The following OR2T10 variants were observed in gnomAD, a reference collection of about 807,000 sequenced individuals.
OR2T10 encodes olfactory receptor family 2 subfamily T member 10.
For synonymous variants in OR2T10, 125 were observed against 141.8 expected (o/e 0.88, Z 0.84); for missense variants, 335 against 382.5 (o/e 0.88, Z 1.04).
At position 248,593,421 on chromosome 1, in the gene OR2T10, G is replaced by A. The variant is rs371138760; in HGVS notation, c.348C>T (p.Ala116=). The A allele has an allele frequency of 8.9e-6, 14 of 1,571,592 alleles. 3 individuals carry two copies. The African/African-American group carries it at 1.1e-4, about 12-fold the overall frequency. The change falls in exon 2 of 2, where the codon GCC becomes GCT. Residue 116 remains alanine (A), a synonymous_variant. Coordinates refer to ENST00000642090, the MANE Select transcript of OR2T10 (RefSeq NM_001004693.2). ...CCACATAGCGGTCATAGGCCATGGC[G>A]GCTAGAAGGCAGCACTCTGCACCTC... ...QLGGAECCLL[A]AMAYDRYVAI...
Position 248,592,902 on chromosome 1 carries a change from A to G in OR2T10, c.867T>C (p.Ile289=). 1.9e-6 allele frequency: 3 copies of G among 1,568,792 alleles called. 1 individual carries two copies. Among genetic ancestry groups the G allele is most frequent in the Non-Finnish European group, 2.6e-6 (3 of 1,153,200 alleles). ...TGACATCCTTATTCCTGAAACTGTA[A>G]ATGATAGGATTCAAGACAGGTGTAA... ...TILTPVLNPI[I]YSFRNKDVTR... is the part of the protein sequence containing the mutation. Residue 289 remains isoleucine, a synonymous_variant, in exon 2 of 2, where the codon ATT becomes ATC. Coordinates refer to ENST00000642090, the MANE Select transcript of OR2T10 (RefSeq NM_001004693.2).
At position 248,593,690 on chromosome 1, in the gene OR2T10, G is replaced by T. The variant is rs779593083; in HGVS notation, c.79C>A (p.Leu27Ile). ...AATATACTGAAGATAAGCAAGCAGAGGCGGCCAGGGTGTGAGATCTGGCTG... is the reference window on the plus strand; with the variant it reads ...AATATACTGAAGATAAGCAAGCAGATGCGGCCAGGGTGTGAGATCTGGCTG... Reference protein sequence around the residue: ...IFSQISHPGRLCLLIFSIFLM... With the variant: ...IFSQISHPGRICLLIFSIFLM... Residue 27 changes from leucine (L) to isoleucine (I), a missense_variant, in exon 2 of 2, where the codon CTC (leucine) becomes ATC (isoleucine). Leu to Ile is a conservative substitution (Grantham distance 5, BLOSUM62 2). Transcript: ENST00000642090. 7.7e-6 allele frequency: 12 copies of T among 1,563,650 alleles called. 2 individuals carry two copies. In the South Asian group the frequency reaches 1.2e-4, roughly 16 times the overall value.
At chr1:248,596,531 G>C (rs73134428) in intron 1 of OR2T10, among the ~76,000 whole-genome samples, 6,227 of 142,746 alleles carry the variant, frequency 0.044, 1,507 homozygotes, top group African/African-American at 0.16. Flanking sequence ...GAAACAAGGG[G>C]ACTGAGTCCA....
intron 1 of OR2T10, among the ~76,000 whole-genome samples, chr1:248,597,149 G>A (rs112775692): frequency 1.4e-5 from 2 of 143,122 alleles, no homozygotes; most frequent in East Asian, 2.0e-4. Flanking sequence ...TCCGAGGTAC[G>A]TTGCAAGTCA....
At position 248,593,008 on chromosome 1, in the gene OR2T10, G is replaced by A. The variant is rs1375160354; in HGVS notation, c.761C>T (p.Ala254Val). ...GGGGAGCATGTAGTTGTAAATAGCA[G>A]CTCCATAGAAGAGGCTGACCACTGT... ...HITVVSLFYG[A>V]AIYNYMLPSS... is the part of the protein sequence containing the mutation. Residue 254 changes from alanine (A) to valine (V), a missense_variant, in exon 2 of 2, where the codon GCT becomes GTT. By Grantham distance (64) the Ala-to-Val change is moderately conservative. Coordinates refer to ENST00000642090, the MANE Select transcript of OR2T10 (RefSeq NM_001004693.2). 6.4e-7 allele frequency: 1 copy of A among 1,572,768 alleles called. No homozygotes were observed. Among genetic ancestry groups the A allele is most frequent in the Non-Finnish European group, 8.6e-7 (1 of 1,156,670 alleles).
In OR2T10 at chr1:248,593,494, A is replaced by G; in HGVS notation, c.275T>C (p.Ile92Thr). Residue 92 changes from isoleucine to threonine, a missense_variant, in exon 2 of 2, where the codon ATC (isoleucine) becomes ACC (threonine). Physicochemically the swap from Ile to Thr is moderately conservative, Grantham distance 89. Transcript: ENST00000642090. ...LVNQLAKDKT[I>T]SVLGCGTQMY... The stretch of plus-strand genomic sequence containing the variant: ...CTGGGTGCCACACCCAAGGACCGAG[A>G]TGGTCTTGTCTTTGGCCAGCTGGTT... The G allele has an allele frequency of 1.3e-6, 2 of 1,572,654 alleles. No individual in the cohort carries two copies. The highest frequency in any genetic ancestry group is 1.1e-5 in the South Asian group (1 of 88,876).
intron 1 of OR2T10, among the ~76,000 whole-genome samples, chr1:248,595,883 T>C (rs974682052): frequency 2.8e-5 from 4 of 142,976 alleles, no homozygotes; most frequent in South Asian, 2.2e-4. Flanking sequence ...TGAAACAGCA[T>C]AGAGGCCCTG....
rs1660040907 is a variant in OR2T10, at chr1:248,593,222, C to T, written c.547G>A (p.Ala183Thr). 1 of 1,573,420 alleles carries T rather than the reference C, an allele frequency of 6.4e-7. No individual in the cohort carries two copies. The highest frequency in any genetic ancestry group is 1.5e-5 in the African/African-American group (1 of 66,816). The change falls in exon 2 of 2, where the codon GCT (alanine) becomes ACT (threonine). Residue 183 changes from alanine to threonine, a missense_variant. Coordinates refer to ENST00000642090, the MANE Select transcript of OR2T10 (RefSeq NM_001004693.2). ...TCTGAGCAAGAGAGCTTCAAAACAG[C>T]AGGGACCTCACAGAAGAAGTGCTGA... ...EIQHFFCEVP[A>T]VLKLSCSDTS...
In OR2T10 at chr1:248,594,141, TCC is replaced by T. The variant is rs1218843102; in HGVS notation, c.-28-347_-28-346del. The stretch of plus-strand genomic sequence containing the variant: ...TGTTCCTGTATTGCCCAAATCCCAT[TCC>T]CATGGGATTTTACAGAGCTAATAAC... On this transcript the variant is annotated intron_variant, in intron 1 of 1. Coordinates refer to ENST00000642090, the MANE Select transcript of OR2T10 (RefSeq NM_001004693.2). Among the ~76,000 whole-genome samples the T allele has an allele frequency of 7.0e-5, 10 of 142,886 alleles. 1 individual carries two copies. The highest frequency in any genetic ancestry group is 1.4e-4 in the Non-Finnish European group (9 of 66,166). 93.7% of individuals were successfully genotyped at this position (142,886 alleles called of 152,430 possible).
At chr1:248,596,050 G>A (rs1421364500) in intron 1 of OR2T10, among the ~76,000 whole-genome samples, 3 of 143,482 alleles carry the variant, frequency 2.1e-5, no homozygotes, top group Admixed American at 6.8e-5. Flanking sequence ...GACCAAAGGC[G>A]AAACCTGAGA....
rs1446309732 is a variant in OR2T10, at chr1:248,593,529, T to G, written c.240A>C (p.Lys80Asn). 2 of 1,570,936 alleles carry G rather than the reference T, an allele frequency of 1.3e-6. 1 individual carries two copies. Reference protein sequence around the residue: ...DLTYISVTVPKMLVNQLAKDK... With the variant: ...DLTYISVTVPNMLVNQLAKDK... ...CTTTGGCCAGCTGGTTCACCAGCAT[T>G]TTGGGGACAGTGACAGAAATATATG... is the stretch of plus-strand genomic sequence containing the variant. Residue 80 changes from lysine (K) to asparagine (N), a missense_variant, in exon 2 of 2, where the codon AAA (lysine) becomes AAC (asparagine). Coordinates refer to ENST00000642090, the MANE Select transcript of OR2T10 (RefSeq NM_001004693.2).
rs1296495305 is a variant in OR2T10, at chr1:248,591,030, A to C, written c.*1800T>G. 7.0e-6 allele frequency: 1 copy of C among 143,300 alleles called. No individual in the cohort carries two copies. The highest frequency in any genetic ancestry group is 2.7e-5 in the African/African-American group (1 of 36,414). 8.9% of individuals were successfully genotyped at this position (143,300 alleles called of 1,614,324 possible). A position where few individuals can be genotyped will look rare whatever the true frequency, so the allele number is the denominator to read the frequency against. On this transcript the variant is annotated 3_prime_UTR_variant, in exon 2 of 2. Coordinates refer to ENST00000642090, the MANE Select transcript of OR2T10 (RefSeq NM_001004693.2). ...TTTTATCCACTTTTGTTTGTTGGAA[A>C]AATTTATTTTACTATCATTTTTTAT... is the stretch of plus-strand genomic sequence containing the variant.
intron 1 of OR2T10, among the ~76,000 whole-genome samples, chr1:248,594,531 A>C (rs1393740663): frequency 7.0e-6 from 1 of 143,074 alleles, no homozygotes. Flanking sequence ...TATTTTCATA[A>C]TTTCCATCAA....
At chr1:248,595,316 GAC>G (rs1412140917) in intron 1 of OR2T10, among the ~76,000 whole-genome samples, 3 of 143,448 alleles carry the variant, frequency 2.1e-5, no homozygotes, top group Non-Finnish European at 4.5e-5. Context: ...ATTTAAATCA[GAC>G]ACATATTCAT....
chr1:248,593,774 A>G lies in OR2T10; in HGVS notation c.-6T>C, dbSNP rs1298419334. On this transcript the variant is annotated 5_prime_UTR_variant, in exon 2 of 2. Transcript: ENST00000642090. ...GTCTGGTTGGCCAGCCGCATGCTGT[A>G]TGATCGGCTGAAGTGGCTTTACCTG... 6.7e-7 allele frequency: 1 copy of G among 1,492,922 alleles called. No homozygotes were observed. Among genetic ancestry groups the G allele is most frequent in the Non-Finnish European group, 9.2e-7 (1 of 1,089,288 alleles). 92.5% of individuals were successfully genotyped at this position (1,492,922 alleles called of 1,614,324 possible).
In OR2T10 at chr1:248,593,156, T is replaced by C. The variant is rs149210040; in HGVS notation, c.613A>G (p.Ile205Val). Residue 205 changes from isoleucine (I) to valine (V), a missense_variant, in exon 2 of 2, where the codon ATC (isoleucine) becomes GTC (valine). Transcript: ENST00000642090. The part of the protein sequence containing the change: ...YKIFMYLCCV[I>V]MLLIPVTVIS... Reference sequence around the variant, plus strand: ...ACCGTCACAGGTATCAGGAGCATGATGACACAGCACAAGTACATGAAAATC... The same window carrying C: ...ACCGTCACAGGTATCAGGAGCATGACGACACAGCACAAGTACATGAAAATC... The C allele has an allele frequency of 2.2e-5, 35 of 1,572,644 alleles. 5 individuals are homozygous for C. Among genetic ancestry groups the C allele is most frequent in the Non-Finnish European group, 2.9e-5 (33 of 1,156,514 alleles).
In OR2T10 at chr1:248,593,402, A is replaced by G. The variant is rs1163630908; in HGVS notation, c.367T>C (p.Tyr123His). Residue 123 changes from tyrosine (Y) to histidine (H), a missense_variant, in exon 2 of 2, where the codon TAT becomes CAT. Transcript: ENST00000642090. ...CGGAGAGGATGGCAGATAGCCACAT[A>G]GCGGTCATAGGCCATGGCGGCTAGA... ...CLLAAMAYDR[Y>H]VAICHPLRYS... 4.5e-6 allele frequency: 7 copies of G among 1,572,244 alleles called. No homozygotes were observed. The Admixed American group carries it at 5.1e-5, about 12-fold the overall frequency.
At position 248,592,717 on chromosome 1, in the gene OR2T10, A is replaced by G; in HGVS notation, c.*113T>C. On this transcript the variant is annotated 3_prime_UTR_variant, in exon 2 of 2. Coordinates refer to ENST00000642090, the MANE Select transcript of OR2T10 (RefSeq NM_001004693.2). Reference sequence around the variant, plus strand: ...AGAACACTGGGCTGAATCCCCCTGAAGGACAACTCAGGGAGTCAGACACTA... The same window carrying G: ...AGAACACTGGGCTGAATCCCCCTGAGGGACAACTCAGGGAGTCAGACACTA... The G allele has an allele frequency of 1.6e-6, 1 of 631,394 alleles. No individual in the cohort carries two copies. The allele number at this position is 631,394 out of a possible 1,614,324, so 39.1% of individuals were successfully genotyped here.
chr1:248,596,181 T>C (rs1660087611), intron 1 of OR2T10, among the ~76,000 whole-genome samples: 1 of 143,256 alleles, frequency 7.0e-6, no homozygotes, highest in African/African-American at 2.8e-5. Context: ...TAACGGAATT[T>C]CCACAATTTA....
Sources: allele counts gnomAD v4.1 joint callset (sites outside exome capture counted in the v4.1 genomes callset), GRCh38; gene constraint gnomAD v4.1.1; transcripts MANE v1.5; gene names NCBI Gene and HGNC (gene_info 2026-07-23, HGNC 2026-07-21).